HERC1: variants seen among roughly 807,000 people sequenced by gnomAD.
HERC1 encodes HECT and RLD domain containing E3 ubiquitin protein ligase family member 1, also known as probable E3 ubiquitin-protein ligase HERC1.
In HERC1, 160 loss-of-function variants were observed where a neutral mutation model predicts 554.3. The observed-to-expected ratio is 0.29, with a 90% CI of 0.25 to 0.33. The LOEUF (loss-of-function observed/expected upper bound fraction) is 0.33. Among genes scored for constraint, HERC1 ranks in the 10% least tolerant of loss-of-function variants. The pLI, the probability that HERC1 is intolerant of heterozygous loss-of-function variation, is 1.00. For missense variants in HERC1, 4,919 were observed against 5,918.5 expected (o/e 0.83, Z 5.54); for synonymous variants, 2,175 against 2,131.7 (o/e 1.02, Z -0.56).
chr15:63,729,372 A>T lies in HERC1; in HGVS notation c.3022-4T>A. 6.3e-7 allele frequency: 1 copy of T among 1,594,740 alleles called. No individual in the cohort carries two copies. Among genetic ancestry groups the T allele is most frequent in the South Asian group, 1.1e-5 (1 of 87,446 alleles). ...GCAATGCCACACTGCTTGAGTTCTA[A>T]GAAGAAAAAAAGTTCCTAAATTACT... On this transcript the variant is annotated splice_polypyrimidine_tract_variant and splice_region_variant and intron_variant, in intron 15 of 77. Transcript: ENST00000443617.
intron 24 of HERC1, among the ~76,000 whole-genome samples, chr15:63,707,229 TC>T (rs2073051049): frequency 6.6e-6 from 1 of 152,244 alleles, no homozygotes; most frequent in Non-Finnish European, 1.5e-5. Context: ...CACTTTCTTT[TC>T]AAAACTTCCA....
chr15:63,739,718 A>G (rs2074711721), intron 12 of HERC1, among the ~76,000 whole-genome samples: 1 of 151,988 alleles, frequency 6.6e-6, no homozygotes, highest in Non-Finnish European at 1.5e-5. Context: ...GTGCGCCTGC[A>G]GTCCCGGCTA....
rs1452065501 is a variant in HERC1, at chr15:63,677,472, A to G, written c.7070+373T>C. On this transcript the variant is annotated intron_variant, in intron 37 of 77. Coordinates refer to ENST00000443617, the MANE Select transcript of HERC1 (RefSeq NM_003922.4). The surrounding 1 kb of genome is among the most constrained non-coding windows in gnomAD (Gnocchi z 4.4). ...CAGAGCCTTGCTACCACAAAATGCA[A>G]TGAACAGATTAGCTGGCTGGCTTTT... Among the ~76,000 whole-genome samples, 1 of 152,240 alleles carries G rather than the reference A, an allele frequency of 6.6e-6. No homozygotes were observed. Among genetic ancestry groups the G allele is most frequent in the Non-Finnish European group, 1.5e-5 (1 of 68,034 alleles).
intron 18 of HERC1, among the ~76,000 whole-genome samples, chr15:63,723,848 A>G (rs1567054126): frequency 6.6e-6 from 1 of 152,178 alleles, no homozygotes; most frequent in Non-Finnish European, 1.5e-5. Context: ...CAATTTCTCA[A>G]TTGATATTTA....
chr15:63,628,653 G>T (rs1260420830), intron 70 of HERC1, 24 bp downstream of exon 70: 1 of 1,595,096 alleles, frequency 6.3e-7, no homozygotes, highest in Non-Finnish European at 8.5e-7. Context: ...AACGCTGCAG[G>T]AGCATGAATA....
chr15:63,609,992 A>T (rs915447979), intron 77 of HERC1, among the ~76,000 whole-genome samples: 1 of 152,240 alleles, frequency 6.6e-6, no homozygotes, highest in African/African-American at 2.4e-5. Context: ...GGAATTTCAC[A>T]AAGGTAAAAA....
chr15:63,632,758 C>T lies in HERC1; in HGVS notation c.12747G>A (p.Gln4249=). The change falls in exon 68 of 78, where the codon CAG becomes CAA. Residue 4249 remains glutamine, a synonymous_variant. Transcript: ENST00000443617. ...IGIKKVACGT[Q]FSVALTKDGH... is the part of the protein sequence containing the mutation. ...CATCTTTGGTCAAAGCAACAGAAAA[C>T]TGAGTTCCACAAGCAACCTTTTTTA... The T allele has an allele frequency of 1.9e-6, 3 of 1,569,996 alleles. No homozygotes were observed. Among genetic ancestry groups the T allele is most frequent in the Non-Finnish European group, 2.6e-6 (3 of 1,155,872 alleles).
chr15:63,718,844 A>C lies in HERC1; in HGVS notation c.3796T>G (p.Phe1266Val), dbSNP rs1488171673. 6.2e-7 allele frequency: 1 copy of C among 1,613,762 alleles called. No individual in the cohort carries two copies. The highest frequency in any genetic ancestry group is 1.7e-4 in the Middle Eastern group (1 of 6,060). ...TGTTTCAGAAGAGCTGCAAGAACAA[A>C]TCTAGACACAGTGTCCAAGAGTGAC... ...NESLLDTVSR[F>V]VLAALLKHTN... The change falls in exon 20 of 78, where the codon TTT becomes GTT. Residue 1266 changes from phenylalanine (F) to valine (V), a missense_variant. Phe to Val is a conservative substitution (Grantham distance 50). This residue lies in a region of HERC1 where 1,121 missense variants were observed against 1,244.0 expected (regional missense o/e 0.90). Coordinates refer to ENST00000443617, the MANE Select transcript of HERC1 (RefSeq NM_003922.4). The surrounding 1 kb of genome is among the most constrained non-coding windows in gnomAD (Gnocchi z 4.2).
chr15:63,794,000 C>T (rs1477366273), intron 1 of HERC1, among the ~76,000 whole-genome samples: 2 of 152,144 alleles, frequency 1.3e-5, no homozygotes. Flanking sequence ...ACCAAAACTG[C>T]GATGGCCATG....
In HERC1 at chr15:63,628,789, A is replaced by C; in HGVS notation, c.12993T>G (p.Val4331=). 1 of 1,614,008 alleles carries C rather than the reference A, an allele frequency of 6.2e-7. No homozygotes were observed. Residue 4331 remains valine (V), a synonymous_variant, in exon 70 of 78, where the codon GTT becomes GTG. Coordinates refer to ENST00000443617, the MANE Select transcript of HERC1 (RefSeq NM_003922.4). ...GQLGLGHTNH[V]REPTLVTGLQ... ...GACCTGTTACCAGGGTTGGTTCTCG[A>C]ACATGGTTGGTATGGCCTAAGCCGA...
intron 22 of HERC1, among the ~76,000 whole-genome samples, chr15:63,715,301 G>T (rs1567044557): frequency 6.6e-6 from 1 of 152,298 alleles, no homozygotes; most frequent in African/African-American, 2.4e-5. Context: ...TTAGTTCCCA[G>T]ATGACTATCA....
chr15:63,794,916 A>C (rs2076764693), intron 1 of HERC1, among the ~76,000 whole-genome samples: 2 of 152,040 alleles, frequency 1.3e-5, no homozygotes, highest in Non-Finnish European at 2.9e-5. Context: ...AAATACAAAA[A>C]TTAGCCAGGC....
At chr15:63,630,775 T>C (rs980858725) in intron 68 of HERC1, 140 bp from the exon 69 acceptor site, 2 of 747,812 alleles carry the variant, frequency 2.7e-6, no homozygotes, top group African/African-American at 3.5e-5. Context: ...AAAGCTGCTA[T>C]TCTGGAAAGG....
At chr15:63,642,517 T>C (rs1426931555) in intron 59 of HERC1, among the ~76,000 whole-genome samples, 2 of 152,148 alleles carry the variant, frequency 1.3e-5, no homozygotes, top group Admixed American at 6.5e-5. Flanking sequence ...TTTGTATTTT[T>C]AGTAGAGATG....
chr15:63,740,024 C>T (rs1455361639), intron 12 of HERC1, among the ~76,000 whole-genome samples: 18 of 152,006 alleles, frequency 1.2e-4, no homozygotes, highest in Non-Finnish European at 2.6e-4. Flanking sequence ...AATTCTTGTG[C>T]CTCAGCCTCC....
intron 64 of HERC1, chr15:63,636,860 T>C (rs149513509): frequency 1.3e-4 from 26 of 203,172 alleles, no homozygotes; most frequent in Non-Finnish European, 2.5e-4. Flanking sequence ...CAAGGACCAG[T>C]AGAACCCATA....
Position 63,643,484 on chromosome 15 carries a change from G to A in HERC1, c.11251C>T (p.Arg3751Trp), listed in dbSNP as rs370492786. The part of the protein sequence containing the change: ...YQLRGHITPV[R>W]TVAFSSDGLA... ...CCATCAGAACTAAAGGCAACAGTCC[G>A]AACAGGAGTGATGTGTCCCCGCAGC... The change falls in exon 58 of 78, where the codon CGG becomes TGG. Residue 3751 changes from arginine (R) to tryptophan (W), a missense_variant. This residue lies in a region of HERC1 where 1,963 missense variants were observed against 2,228.6 expected (regional missense o/e 0.88). Coordinates refer to ENST00000443617, the MANE Select transcript of HERC1 (RefSeq NM_003922.4). 1.5e-5 allele frequency: 24 copies of A among 1,611,702 alleles called. No homozygotes were observed. Among genetic ancestry groups the A allele is most frequent in the South Asian group, 6.6e-5 (6 of 90,646 alleles).
At chr15:63,703,085 G>A (rs1259667364) in intron 25 of HERC1, among the ~76,000 whole-genome samples, 1 of 150,812 alleles carries the variant, frequency 6.6e-6, no homozygotes, top group Non-Finnish European at 1.5e-5. Context: ...ACTCCAGCCT[G>A]GGCTACAGAG....
chr15:63,798,750 T>G (rs1271394112), intron 1 of HERC1, among the ~76,000 whole-genome samples: 1 of 152,180 alleles, frequency 6.6e-6, no homozygotes. Flanking sequence ...CATCATAGTG[T>G]TTGTTAAATT....
Sources: allele counts gnomAD v4.1 joint callset (sites outside exome capture counted in the v4.1 genomes callset), GRCh38; gene constraint gnomAD v4.1.1; regional missense constraint gnomAD v4.1.1; non-coding constraint Gnocchi (gnomAD v3.1); transcripts MANE v1.5; gene names NCBI Gene and HGNC (gene_info 2026-07-23, HGNC 2026-07-21).